The following RNF180 variants were observed in gnomAD, a reference collection of about 807,000 sequenced individuals.
The protein encoded by RNF180 is ring finger protein 180.
RNF180 carries 38 observed loss-of-function variants against 59.2 expected under a neutral mutation model. That is an observed-to-expected ratio of 0.64 (90% CI 0.50 to 0.84). The LOEUF is 0.84. RNF180 is among the 40% of genes least tolerant of loss of function. The probability of loss-of-function intolerance (pLI) is 0.00; values close to 1 mark genes in which losing one functional copy is unlikely to be tolerated. For synonymous variants in RNF180, 262 were observed against 240.3 expected, an observed-to-expected ratio of 1.09 and a Z score of -0.84; for missense variants, 705 against 700.9, an observed-to-expected ratio of 1.01 and a Z score of -0.07.
intron 7 of RNF180, among the ~76,000 whole-genome samples, chr5:64,339,662 A>G (rs1452075707): frequency 2.0e-5 from 3 of 151,642 alleles, no homozygotes; most frequent in Non-Finnish European, 4.4e-5. Flanking sequence ...AGACATTCCC[A>G]TATACGCCTT....
In RNF180 at chr5:64,329,787, C is replaced by T. The variant is rs114752954; in HGVS notation, c.1454-494C>T. The stretch of plus-strand genomic sequence containing the variant: ...GTGTGCAACCTGTATTCCTTGCATG[C>T]GCAGTTCACAATAGGGTTCACTTCC... On this transcript the variant is annotated intron_variant, in intron 6 of 7. Transcript: ENST00000389100. 7.3e-3 allele frequency among the ~76,000 whole-genome samples: 1,112 copies of T among 152,274 alleles called. 11 individuals carry two copies. The highest frequency in any genetic ancestry group is 0.026 in the African/African-American group (1,075 of 41,546).
chr5:64,286,119 C>T (rs1014195103), intron 5 of RNF180, among the ~76,000 whole-genome samples: 11 of 152,180 alleles, frequency 7.2e-5, no homozygotes, highest in African/African-American at 2.7e-4. Context: ...ATACACTTAC[C>T]CTCAATGCCT....
chr5:64,271,087 G>T (rs939510655), intron 5 of RNF180, among the ~76,000 whole-genome samples: 3 of 151,940 alleles, frequency 2.0e-5, no homozygotes, highest in Non-Finnish European at 4.4e-5. Context: ...TCATGTGCTT[G>T]GTAATGATTG....
intron 5 of RNF180, among the ~76,000 whole-genome samples, chr5:64,282,222 C>T (rs1742048595): frequency 6.6e-6 from 1 of 152,106 alleles, no homozygotes; most frequent in African/African-American, 2.4e-5. Flanking sequence ...GATTCAATTT[C>T]AGAACTCATT....
At chr5:64,238,455 A>G (rs184161105) in intron 5 of RNF180, among the ~76,000 whole-genome samples, 203 of 152,274 alleles carry the variant, frequency 1.3e-3, no homozygotes, top group South Asian at 3.5e-3. Context: ...ATTATCATCA[A>G]CAGTATGCAG....
chr5:64,244,788 CAG>C (rs1743049677), intron 5 of RNF180, among the ~76,000 whole-genome samples: 1 of 152,146 alleles, frequency 6.6e-6, no homozygotes, highest in Non-Finnish European at 1.5e-5. Flanking sequence ...ACATAATCCT[CAG>C]ATTCACCAAG....
chr5:64,248,444 G>C lies in RNF180; in HGVS notation c.1227+31048G>C, dbSNP rs557585361. On this transcript the variant is annotated intron_variant, in intron 5 of 7. Coordinates refer to ENST00000389100, the MANE Select transcript of RNF180 (RefSeq NM_001113561.2). ...CAACCTCATCAAAAAGCAGGCAAAG[G>C]CTTTGAAAAGACACTTCTCAAAAGA... is the stretch of plus-strand genomic sequence containing the variant. Among the ~76,000 whole-genome samples, 3 of 152,258 alleles carry C rather than the reference G, an allele frequency of 2.0e-5. No homozygotes were observed. The South Asian group carries it at 6.2e-4, about 32-fold the overall frequency.
intron 5 of RNF180, among the ~76,000 whole-genome samples, chr5:64,307,131 C>G (rs999321472): frequency 2.0e-5 from 3 of 150,476 alleles, no homozygotes; most frequent in Non-Finnish European, 3.0e-5. Context: ...ATTTCACTTT[C>G]TGTACCCTTT....
At chr5:64,333,742 C>T (rs1178998407) in intron 7 of RNF180, among the ~76,000 whole-genome samples, 2 of 152,100 alleles carry the variant, frequency 1.3e-5, no homozygotes, top group Non-Finnish European at 2.9e-5. Flanking sequence ...CTTGTGATTT[C>T]TTCTTGTCTT....
chr5:64,352,539 A>G (rs1035962788), intron 7 of RNF180, among the ~76,000 whole-genome samples: 6 of 152,000 alleles, frequency 3.9e-5, no homozygotes, highest in Non-Finnish European at 8.8e-5. Flanking sequence ...GTGGGCATTT[A>G]GTGCTATAAA....
intron 5 of RNF180, among the ~76,000 whole-genome samples, chr5:64,226,221 A>G (rs999438025): frequency 1.6e-4 from 25 of 152,072 alleles, no homozygotes; most frequent in African/African-American, 5.6e-4. Flanking sequence ...TTTGTCGAAA[A>G]GAAAAGGGGG....
intron 5 of RNF180, among the ~76,000 whole-genome samples, chr5:64,253,698 T>A (rs759799213): frequency 3.3e-5 from 5 of 152,118 alleles, no homozygotes; most frequent in Non-Finnish European, 7.4e-5. Context: ...ATAATATAGT[T>A]AGTACTAGAA....
chr5:64,330,414 A>G lies in RNF180; in HGVS notation c.1579+8A>G, dbSNP rs1042508832. The G allele has an allele frequency of 4.6e-6, 7 of 1,529,386 alleles. No homozygotes were observed. In the African/African-American group the frequency reaches 8.4e-5, roughly 18 times the overall value. The allele number at this position is 1,529,386 out of a possible 1,614,324, so 94.7% of individuals were successfully genotyped here. A position where few individuals can be genotyped will look rare whatever the true frequency, so the allele number is the denominator to read the frequency against. On this transcript the variant is annotated splice_region_variant and intron_variant, in intron 7 of 7. Transcript: ENST00000389100. ...CATTTCATCTTTTTGGAGGTAAGGAAATCTAACGCCAAAAAAAAAGTCTGG... is the reference window on the plus strand; with the variant it reads ...CATTTCATCTTTTTGGAGGTAAGGAGATCTAACGCCAAAAAAAAAGTCTGG...
chr5:64,272,395 G>T (rs1741467463), intron 5 of RNF180, among the ~76,000 whole-genome samples: 1 of 151,854 alleles, frequency 6.6e-6, no homozygotes, highest in African/African-American at 2.4e-5. Context: ...AGAGAAGAAT[G>T]GTACATTTAA....
chr5:64,170,131 T>TAC (rs1162846226), intron 1 of RNF180, among the ~76,000 whole-genome samples: 1 of 152,252 alleles, frequency 6.6e-6, no homozygotes, highest in South Asian at 2.1e-4. Context: ...CAAATAATGA[T>TAC]ACACCCTGTG....
At chr5:64,297,883 A>G (rs1016362470) in intron 5 of RNF180, among the ~76,000 whole-genome samples, 4 of 152,070 alleles carry the variant, frequency 2.6e-5, no homozygotes, top group African/African-American at 9.7e-5. Flanking sequence ...AAACATTATT[A>G]TATAAAAGGA....
intron 5 of RNF180, among the ~76,000 whole-genome samples, chr5:64,256,003 G>C (rs577766553): frequency 6.6e-6 from 1 of 152,120 alleles, no homozygotes; most frequent in African/African-American, 2.4e-5. Flanking sequence ...GTCTTCTTTT[G>C]AGAAGTGTCT....
chr5:64,194,487 C>A (rs1314064799), intron 1 of RNF180, among the ~76,000 whole-genome samples: 1 of 152,110 alleles, frequency 6.6e-6, no homozygotes, highest in Non-Finnish European at 1.5e-5. Context: ...GTCTTTATAG[C>A]AGCATGATTT....
At chr5:64,329,475 C>T (rs62369369) in intron 6 of RNF180, among the ~76,000 whole-genome samples, 2 of 145,948 alleles carry the variant, frequency 1.4e-5, no homozygotes, top group Non-Finnish European at 3.0e-5. Context: ...TTTTTTTTCC[C>T]AAGATGGAGT....
Sources: gnomAD v4.1 joint callset for allele counts (sites outside exome capture counted in the v4.1 genomes callset) on GRCh38, gnomAD v4.1.1 for gene constraint, MANE v1.5 for transcripts, NCBI Gene and HGNC (gene_info 2026-07-23, HGNC 2026-07-21) for gene names.